APBA1: variants seen among roughly 807,000 people sequenced by gnomAD.
APBA1 encodes amyloid-beta A4 precursor protein-binding family A member 1.
A neutral mutation model predicts 86.6 loss-of-function variants in APBA1; 55 were observed. That is an observed-to-expected ratio of 0.64 (90% CI 0.51 to 0.80). The LOEUF is 0.80. APBA1 is among the 30% of genes least tolerant of loss of function. The pLI, the probability that APBA1 is intolerant of heterozygous loss-of-function variation, is 0.00. For synonymous variants in APBA1, 511 were observed against 493.9 expected, an observed-to-expected ratio of 1.03 and a Z score of -0.46; for missense variants, 1,090 against 1,183.0, an observed-to-expected ratio of 0.92 and a Z score of 1.15.
At chr9:69,583,861 T>A (rs994263600) in intron 1 of APBA1, among the ~76,000 whole-genome samples, 1 of 152,218 alleles carries the variant, frequency 6.6e-6, no homozygotes, top group Non-Finnish European at 1.5e-5. Flanking sequence ...CAGGCTTCTA[T>A]CTCTTCATCT....
chr9:69,542,605 G>T (rs545413077), intron 1 of APBA1, among the ~76,000 whole-genome samples: 1 of 152,318 alleles, frequency 6.6e-6, no homozygotes, highest in East Asian at 1.9e-4. Context: ...GGTTGTGTGT[G>T]GACATAAGTT....
At chr9:69,567,471 CGTGCAG>C (rs2133944579) in intron 1 of APBA1, among the ~76,000 whole-genome samples, 1 of 152,026 alleles carries the variant, frequency 6.6e-6, no homozygotes, top group Non-Finnish European at 1.5e-5. Context: ...ATGTCCACAA[CGTGCAG>C]GTTTGTTACA....
chr9:69,585,435 C>T (rs1006044586), intron 1 of APBA1, among the ~76,000 whole-genome samples: 1 of 152,200 alleles, frequency 6.6e-6, no homozygotes, highest in Admixed American at 6.5e-5. Context: ...TCATTCTTGC[C>T]AGGGCCAAAG....
rs141811654 is a variant in APBA1, at chr9:69,557,001, C to A, written c.-69-39722G>T. On this transcript the variant is annotated intron_variant, in intron 1 of 12. Coordinates refer to ENST00000265381, the MANE Select transcript of APBA1 (RefSeq NM_001163.4). ...AGGTCAGCAAAAGATAAAGAGGAGA[C>A]ACTAAAATCTAACAAAATGAGAGGC... 3.3e-3 allele frequency among the ~76,000 whole-genome samples: 504 copies of A among 152,192 alleles called. 4 individuals are homozygous for A. The highest frequency in any genetic ancestry group is 0.011 in the African/African-American group (477 of 41,522).
rs554557886 is a variant in APBA1 at position 69,537,610 on chromosome 9, A to T, written c.-69-20331T>A. Among the ~76,000 whole-genome samples the T allele has an allele frequency of 2.6e-5, 4 of 152,248 alleles. No homozygotes were observed. The East Asian group carries it at 7.7e-4, about 29-fold the overall frequency. The stretch of plus-strand genomic sequence containing the variant: ...GAATATTCTTTCAAAATAAGTCATG[A>T]GGCAGGGAAATGGGGCTTCCCTAAC... On this transcript the variant is annotated intron_variant, in intron 1 of 12. Coordinates refer to ENST00000265381, the MANE Select transcript of APBA1 (RefSeq NM_001163.4).
chr9:69,562,490 T>A (rs1229908587), intron 1 of APBA1, among the ~76,000 whole-genome samples: 1 of 152,062 alleles, frequency 6.6e-6, no homozygotes, highest in Non-Finnish European at 1.5e-5. Context: ...TTCTCCTGCC[T>A]CAGCCTCCCC....
chr9:69,541,250 G>A (rs1836604190), intron 1 of APBA1, among the ~76,000 whole-genome samples: 1 of 96,938 alleles, frequency 1.0e-5, no homozygotes, highest in African/African-American at 3.5e-5. Flanking sequence ...TTGTTTTAGG[G>A]ACCCCCCCCC....
At chr9:69,452,898 C>T (rs996506800) in intron 8 of APBA1, among the ~76,000 whole-genome samples, 4 of 152,190 alleles carry the variant, frequency 2.6e-5, no homozygotes, top group Admixed American at 6.5e-5. Context: ...TCAACCTGCA[C>T]GTGTGCTGTC....
chr9:69,463,717 G>A (rs1035346841), intron 5 of APBA1: 8 of 152,198 alleles, frequency 5.3e-5, no homozygotes, highest in African/African-American at 1.7e-4. Flanking sequence ...GGCAGAGGAA[G>A]AGAGGGACAA....
intron 1 of APBA1, among the ~76,000 whole-genome samples, chr9:69,629,581 CTGGAAACTG>C (rs1822997686): frequency 6.6e-6 from 1 of 152,174 alleles, no homozygotes; most frequent in Non-Finnish European, 1.5e-5. Flanking sequence ...TGGCAAAGGT[CTGGAAACTG>C]ACAGTCCAGA....
At chr9:69,463,280 G>A (rs1835220854) in intron 5 of APBA1, 1 of 102,380 alleles carries the variant, frequency 9.8e-6, no homozygotes, top group African/African-American at 6.3e-5. Flanking sequence ...ACTGTGTATT[G>A]GTTAAATTTA....
In APBA1 at chr9:69,431,141, GAAAAAAAAA is replaced by G. The variant is rs772262179; in HGVS notation, c.*177_*185del. The G allele has an allele frequency of 3.5e-6, 1 of 284,204 alleles. No individual in the cohort carries two copies. Among genetic ancestry groups the G allele is most frequent in the Non-Finnish European group, 6.1e-6 (1 of 164,652 alleles). The allele number at this position is 284,204 out of a possible 1,614,324, so 17.6% of individuals were successfully genotyped here. On this transcript the variant is annotated 3_prime_UTR_variant, in exon 13 of 13. Transcript: ENST00000265381. ...GTGCATACGAAACTTCCCTGGTATT[GAAAAAAAAA>G]AAAAAAAAAAAGCAAATCGGAGAGA...
chr9:69,528,700 C>T (rs1486669893), intron 1 of APBA1, among the ~76,000 whole-genome samples: 6 of 151,926 alleles, frequency 3.9e-5, no homozygotes, highest in Admixed American at 6.6e-5. Context: ...TAAGTGGGGG[C>T]GAGGGTATTA....
At chr9:69,465,610 A>G (rs1345587009) in intron 5 of APBA1, 6 of 152,206 alleles carry the variant, frequency 3.9e-5, no homozygotes, top group East Asian at 1.9e-4. Context: ...AACTAGGCCA[A>G]GCTTGGATGG....
At chr9:69,658,522 C>T (rs1215432263) in intron 1 of APBA1, among the ~76,000 whole-genome samples, 1 of 151,384 alleles carries the variant, frequency 6.6e-6, no homozygotes, top group African/African-American at 2.4e-5. Context: ...CCTACCTCAG[C>T]CTCCTGAGTA....
chr9:69,632,510 T>C (rs1406086123), intron 1 of APBA1, among the ~76,000 whole-genome samples: 1 of 152,120 alleles, frequency 6.6e-6, no homozygotes, highest in Non-Finnish European at 1.5e-5. Flanking sequence ...AACTATATAA[T>C]ATGAGACTAA....
chr9:69,549,989 A>G (rs1439168403), intron 1 of APBA1, among the ~76,000 whole-genome samples: 1 of 152,226 alleles, frequency 6.6e-6, no homozygotes, highest in East Asian at 1.9e-4. Context: ...CATCATTTAA[A>G]GTTTCTGAGA....
chr9:69,533,348 T>G (rs1435624193), intron 1 of APBA1, among the ~76,000 whole-genome samples: 1 of 152,162 alleles, frequency 6.6e-6, no homozygotes, highest in African/African-American at 2.4e-5. Flanking sequence ...GTTTGAACCA[T>G]GAGCCTATTA....
At chr9:69,669,785 T>C (rs890648238) in intron 1 of APBA1, among the ~76,000 whole-genome samples, 1 of 152,054 alleles carries the variant, frequency 6.6e-6, no homozygotes, top group African/African-American at 2.4e-5. Context: ...AAAAGACAAA[T>C]AAAAATAAAA....
Sources: gnomAD v4.1 joint callset for allele counts (sites outside exome capture counted in the v4.1 genomes callset) on GRCh38, gnomAD v4.1.1 for gene constraint, MANE v1.5 for transcripts, NCBI Gene and HGNC (gene_info 2026-07-23, HGNC 2026-07-21) for gene names.